XKR4: variants seen among roughly 807,000 people sequenced by gnomAD.
XKR4 encodes the protein XK-related protein 4.
Under a neutral mutation model 53.9 loss-of-function variants are expected in XKR4, and 12 were observed. That is an observed-to-expected ratio of 0.22 (90% CI 0.14 to 0.36). XKR4 has a LOEUF of 0.36. XKR4 is among the 10% of genes least tolerant of loss of function. The probability of loss-of-function intolerance (pLI) is 1.00; values close to 1 mark genes in which losing one functional copy is unlikely to be tolerated. For missense variants in XKR4, 799 were observed against 859.5 expected (o/e 0.93, Z 0.88); for synonymous variants, 354 against 362.4 (o/e 0.98, Z 0.26).
rs146080135 is a variant in XKR4, at chr8:55,192,119, T to G, written c.806+88825T>G. Among the ~76,000 whole-genome samples, 1,481 of 151,586 alleles carry G rather than the reference T, an allele frequency of 9.8e-3. 21 individuals carry two copies. Among genetic ancestry groups the G allele is most frequent in the African/African-American group, 0.034 (1,391 of 41,424 alleles). The stretch of plus-strand genomic sequence containing the variant: ...AATCTCAAAAATGATTACTTTTCAC[T>G]ACTATATACTTTTGTTTTTATGCTC... On this transcript the variant is annotated intron_variant, in intron 1 of 2. Transcript: ENST00000327381.
chr8:55,404,383 G>A (rs1216797554), intron 2 of XKR4, among the ~76,000 whole-genome samples: 1 of 152,134 alleles, frequency 6.6e-6, no homozygotes, highest in Non-Finnish European at 1.5e-5. Context: ...TACAGATCAG[G>A]AAATGAACCC....
intron 2 of XKR4, chr8:55,452,974 A>G: frequency 4.2e-6 from 3 of 720,602 alleles, no homozygotes; most frequent in Non-Finnish European, 7.7e-6. Context: ...CCGCTCAGGG[A>G]TGGCCACAGG....
chr8:55,445,544 G>C (rs1432926858), intron 2 of XKR4, among the ~76,000 whole-genome samples: 1 of 152,116 alleles, frequency 6.6e-6, no homozygotes, highest in East Asian at 1.9e-4. Flanking sequence ...TAAGAGAAAA[G>C]GCCCTAGAAA....
Position 55,187,467 on chromosome 8 carries a change from G to A in XKR4, c.806+84173G>A, listed in dbSNP as rs146075999. 4.9e-3 allele frequency among the ~76,000 whole-genome samples: 743 copies of A among 152,234 alleles called. 2 individuals carry two copies. Among genetic ancestry groups the A allele is most frequent in the African/African-American group, 0.013 (523 of 41,540 alleles). ...CTTAAGATTCTGAGATCATGATGTC[G>A]TAATTAGGAAGGGGCTTTAATGAAC... On this transcript the variant is annotated intron_variant, in intron 1 of 2. Coordinates refer to ENST00000327381, the MANE Select transcript of XKR4 (RefSeq NM_052898.2).
chr8:55,400,050 C>A (rs560807243), intron 2 of XKR4, among the ~76,000 whole-genome samples: 127 of 152,282 alleles, frequency 8.3e-4, no homozygotes, highest in Non-Finnish European at 1.6e-3. Context: ...TGCATCCATA[C>A]CTTTGTCTTT....
At chr8:55,264,119 G>T (rs1221827153) in intron 1 of XKR4, among the ~76,000 whole-genome samples, 2 of 152,072 alleles carry the variant, frequency 1.3e-5, no homozygotes. Context: ...AATATGCTGG[G>T]CATGGTCTGG....
chr8:55,342,073 T>G (rs938677520), intron 1 of XKR4, among the ~76,000 whole-genome samples: 1 of 152,056 alleles, frequency 6.6e-6, no homozygotes, highest in African/African-American at 2.4e-5. Context: ...AAACTTAAAC[T>G]GTCCAAAGCT....
At chr8:55,415,899 G>C (rs926034477) in intron 2 of XKR4, among the ~76,000 whole-genome samples, 1 of 152,156 alleles carries the variant, frequency 6.6e-6, no homozygotes, top group Non-Finnish European at 1.5e-5. Flanking sequence ...TAGCCTTATG[G>C]TATATGGATG....
chr8:55,311,886 A>G (rs990662603), intron 1 of XKR4, among the ~76,000 whole-genome samples: 1 of 151,626 alleles, frequency 6.6e-6, no homozygotes, highest in East Asian at 1.9e-4. Flanking sequence ...TAAACACAAG[A>G]AGAGCTTCTG....
At chr8:55,381,225 A>G (rs1804227983) in intron 2 of XKR4, among the ~76,000 whole-genome samples, 1 of 152,232 alleles carries the variant, frequency 6.6e-6, no homozygotes, top group Non-Finnish European at 1.5e-5. Context: ...TTTATATTTT[A>G]CCATTCTATT....
intron 2 of XKR4, among the ~76,000 whole-genome samples, chr8:55,406,022 C>T (rs116718728): frequency 0.027 from 4,122 of 152,228 alleles, 167 homozygotes; most frequent in African/African-American, 0.093. Flanking sequence ...TAGTCTCAAC[C>T]AATTTGCAAT....
At chr8:55,406,839 G>T (rs909067780) in intron 2 of XKR4, among the ~76,000 whole-genome samples, 1 of 152,166 alleles carries the variant, frequency 6.6e-6, no homozygotes, top group Non-Finnish European at 1.5e-5. Flanking sequence ...GAATGAAAAA[G>T]TGAGACTCTA....
intron 1 of XKR4, among the ~76,000 whole-genome samples, chr8:55,228,688 T>C (rs780237243): frequency 1.3e-5 from 2 of 152,230 alleles, no homozygotes; most frequent in Non-Finnish European, 2.9e-5. Context: ...TTCTACAAAA[T>C]GAGGAGGCAA....
At chr8:55,409,206 G>A (rs1458735061) in intron 2 of XKR4, among the ~76,000 whole-genome samples, 1 of 152,176 alleles carries the variant, frequency 6.6e-6, no homozygotes, top group African/African-American at 2.4e-5. Context: ...GTGTTGGAGA[G>A]GCGTTACAGG....
chr8:55,451,059 T>C, intron 2 of XKR4: 1 of 529,656 alleles, frequency 1.9e-6, no homozygotes, highest in Non-Finnish European at 3.5e-6. Context: ...GGGCACCAGC[T>C]CTCACTGCTG....
chr8:55,206,012 G>C (rs1291388742), intron 1 of XKR4, among the ~76,000 whole-genome samples: 1 of 152,186 alleles, frequency 6.6e-6, no homozygotes, highest in African/African-American at 2.4e-5. Context: ...AGCTCTTAAA[G>C]GTGGCGCGTC....
intron 1 of XKR4, among the ~76,000 whole-genome samples, chr8:55,206,475 T>C (rs917011077): frequency 1.3e-5 from 2 of 152,126 alleles, no homozygotes; most frequent in Admixed American, 6.5e-5. Context: ...AAATAACTTA[T>C]GAAGCATGTA....
intron 2 of XKR4, among the ~76,000 whole-genome samples, chr8:55,464,489 A>G (rs1191630285): frequency 1.3e-5 from 2 of 152,124 alleles, no homozygotes; most frequent in East Asian, 1.9e-4. Flanking sequence ...AAATAATAAG[A>G]GCTATCTATG....
intron 1 of XKR4, among the ~76,000 whole-genome samples, chr8:55,233,795 T>G (rs1300745536): frequency 6.6e-6 from 1 of 152,156 alleles, no homozygotes; most frequent in Non-Finnish European, 1.5e-5. Context: ...TCCTTTAATA[T>G]TGGATTAAGA....
Sources: allele counts gnomAD v4.1 joint callset (sites outside exome capture counted in the v4.1 genomes callset), GRCh38; gene constraint gnomAD v4.1.1; transcripts MANE v1.5; gene names NCBI Gene and HGNC (gene_info 2026-07-23, HGNC 2026-07-21).